Variants in ADGB observed in about 807,000 individuals in gnomAD.
ADGB encodes calpain-7-like protein.
A neutral mutation model predicts 210.5 loss-of-function variants in ADGB; 172 were observed. The ratio of observed to expected loss-of-function variants is 0.82; its 90% CI spans 0.72 to 0.93. The LOEUF (loss-of-function observed/expected upper bound fraction) is 0.93. ADGB is among the 40% of genes least tolerant of loss of function. The pLI is 0.00. For synonymous variants in ADGB, 658 were observed against 662.7 expected (o/e 0.99, Z 0.11); for missense variants, 2,025 against 1,964.8 (o/e 1.03, Z -0.58).
intron 25 of ADGB, among the ~76,000 whole-genome samples, chr6:146,743,029 G>A (rs1777181775): frequency 6.6e-6 from 1 of 152,038 alleles, no homozygotes; most frequent in African/African-American, 2.4e-5. Flanking sequence ...GAATGCCTTG[G>A]GTTAAACCAA....
At chr6:146,769,756 T>C (rs1777625779) in intron 29 of ADGB, among the ~76,000 whole-genome samples, 2 of 152,278 alleles carry the variant, frequency 1.3e-5, no homozygotes, top group South Asian at 2.1e-4. Context: ...AATCATAAAA[T>C]AATATATGCA....
intron 7 of ADGB, 31 bp downstream of exon 7, chr6:146,666,933 A>AT (rs752971467): frequency 7.3e-5 from 105 of 1,436,870 alleles, no homozygotes; most frequent in South Asian, 8.9e-5. Flanking sequence ...GCTCATATCT[A>AT]TTTTTTTTAT....
In ADGB at chr6:146,685,748, C is replaced by T; in HGVS notation, c.1231C>T (p.Gln411Ter). 1 of 1,530,082 alleles carries T rather than the reference C, an allele frequency of 6.5e-7. No individual in the cohort carries two copies. The highest frequency in any genetic ancestry group is 8.8e-7 in the Non-Finnish European group (1 of 1,138,290). 94.8% of individuals were successfully genotyped at this position (1,530,082 alleles called of 1,614,324 possible). The change falls in exon 10 of 36, where the codon CAG becomes TAG. Residue 411 changes from glutamine to a stop codon, truncating the protein, a stop_gained. Transcript: ENST00000397944. LOFTEE classifies it high-confidence loss of function. ...QSLSDCSSAI[Q>*]TSHMVVYATF... is the part of the protein sequence containing the mutation. ...TTGTTTTACAGGTTCTTCTGCAATA[C>T]AGACCTCTCATATGGTCGTATATGC...
chr6:146,768,169 T>C (rs897367380), intron 28 of ADGB, among the ~76,000 whole-genome samples: 6 of 152,184 alleles, frequency 3.9e-5, no homozygotes, highest in East Asian at 3.8e-4. Context: ...TATAAAGATA[T>C]GTTATCCTCA....
intron 33 of ADGB, among the ~76,000 whole-genome samples, chr6:146,791,403 G>T (rs951583339): frequency 6.6e-6 from 1 of 152,088 alleles, no homozygotes; most frequent in Non-Finnish European, 1.5e-5. Context: ...GAGTATAGTG[G>T]CTCAATCATG....
Position 146,650,185 on chromosome 6 carries a change from T to C in ADGB, c.331-3950T>C, listed in dbSNP as rs1259943162. 3.9e-5 allele frequency among the ~76,000 whole-genome samples: 6 copies of C among 152,198 alleles called. No homozygotes were observed. The South Asian group carries it at 8.3e-4, about 21-fold the overall frequency. On this transcript the variant is annotated intron_variant, in intron 3 of 35. Coordinates refer to ENST00000397944, the MANE Select transcript of ADGB (RefSeq NM_024694.4). ...AAAATTTTGGGTAAAGCTGTTGTCA[T>C]TTTTAAAAACATGTTTTATCCTTTT... is the stretch of plus-strand genomic sequence containing the variant.
intron 13 of ADGB, among the ~76,000 whole-genome samples, chr6:146,702,724 T>C (rs747291760): frequency 5.3e-5 from 8 of 152,080 alleles, no homozygotes; most frequent in South Asian, 2.1e-4. Flanking sequence ...TTTTTTATTA[T>C]GTAAATGAAC....
At chr6:146,716,772 A>T (rs1776741892) in intron 14 of ADGB, 111 bp from the exon 15 acceptor site, 1 of 1,021,156 alleles carries the variant, frequency 9.8e-7, no homozygotes. Context: ...TATCTCATAA[A>T]TATTTTCCCA....
intron 1 of ADGB, among the ~76,000 whole-genome samples, chr6:146,633,402 C>T (rs1250362688): frequency 6.6e-6 from 1 of 151,750 alleles, no homozygotes; most frequent in Non-Finnish European, 1.5e-5. Context: ...TCAGAACCCT[C>T]CTTTGGCTTC....
intron 2 of ADGB, chr6:146,638,720 A>C (rs2328755): frequency 6.6e-6 from 1 of 151,116 alleles, no homozygotes; most frequent in Admixed American, 6.6e-5. Context: ...TAACCTGCAC[A>C]TTGTGCACAT....
intron 2 of ADGB, among the ~76,000 whole-genome samples, chr6:146,635,805 T>G (rs1234898137): frequency 6.6e-6 from 1 of 151,996 alleles, no homozygotes; most frequent in African/African-American, 2.4e-5. Flanking sequence ...AATTAAGAGA[T>G]AGGGCAGGTT....
chr6:146,690,579 T>C (rs1029421580), intron 10 of ADGB, among the ~76,000 whole-genome samples: 8 of 152,186 alleles, frequency 5.3e-5, no homozygotes, highest in African/African-American at 1.7e-4. Context: ...ATATGAGAAG[T>C]ATCTGCCTGG....
At chr6:146,626,972 C>T (rs1347935117) in intron 1 of ADGB, among the ~76,000 whole-genome samples, 1 of 151,836 alleles carries the variant, frequency 6.6e-6, no homozygotes, top group African/African-American at 2.4e-5. Flanking sequence ...TATTTTTTAT[C>T]TTCTAAAATT....
rs188189907 is a variant in ADGB, at chr6:146,672,878, G to A, written c.1087+411G>A. On this transcript the variant is annotated intron_variant, in intron 8 of 35. Transcript: ENST00000397944. ...CCCAAGTAGCTGGGGTTACAGGCGTGCACCACCACGCCCAGCTAATTTTTG... is the reference window on the plus strand; with the variant it reads ...CCCAAGTAGCTGGGGTTACAGGCGTACACCACCACGCCCAGCTAATTTTTG... Among the ~76,000 whole-genome samples the A allele has an allele frequency of 3.3e-5, 5 of 152,024 alleles. No homozygotes were observed. The East Asian group carries it at 9.7e-4, about 30-fold the overall frequency.
At chr6:146,664,174 A>T in intron 5 of ADGB, 27 bp from the exon 6 acceptor site, 1 of 1,533,836 alleles carries the variant, frequency 6.5e-7, no homozygotes, top group South Asian at 1.2e-5. Context: ...CATTGATGGT[A>T]TTACATTTCT....
At chr6:146,720,399 C>T (rs1776795832) in intron 16 of ADGB, among the ~76,000 whole-genome samples, 1 of 151,970 alleles carries the variant, frequency 6.6e-6, no homozygotes, top group Admixed American at 6.6e-5. Flanking sequence ...TAATAGTACC[C>T]ATATAGGATG....
chr6:146,753,774 C>T (rs977315508), intron 27 of ADGB, among the ~76,000 whole-genome samples: 7 of 151,878 alleles, frequency 4.6e-5, no homozygotes, highest in African/African-American at 1.7e-4. Flanking sequence ...GATGTTTTAA[C>T]ATACTCCTAT....
rs768612423 is a variant in ADGB, at chr6:146,666,855, G to C, written c.792G>C (p.Thr264=). 1.3e-6 allele frequency: 2 copies of C among 1,547,846 alleles called. No homozygotes were observed. The highest frequency in any genetic ancestry group is 1.7e-6 in the Non-Finnish European group (2 of 1,144,168). Residue 264 remains threonine, a synonymous_variant, in exon 7 of 36, where the codon ACG becomes ACC. Coordinates refer to ENST00000397944, the MANE Select transcript of ADGB (RefSeq NM_024694.4). The part of the protein sequence containing the change: ...VADRRELGEF[T]VIHALTGWLP... ...ACAGGAGAGAGCTGGGGGAGTTCAC[G>C]GTTATTCATGCGCTCACAGGATGGT...
intron 6 of ADGB, among the ~76,000 whole-genome samples, chr6:146,665,841 A>AT (rs1214617593): frequency 1.2e-4 from 18 of 152,174 alleles, no homozygotes; most frequent in Admixed American, 1.2e-3. Context: ...AGCTTACTAC[A>AT]TTTTCCAAAT....
Sources: gnomAD v4.1 joint callset for allele counts (sites outside exome capture counted in the v4.1 genomes callset) on GRCh38, gnomAD v4.1.1 for gene constraint, MANE v1.5 for transcripts, NCBI Gene and HGNC (gene_info 2026-07-23, HGNC 2026-07-21) for gene names.